Variants in SMARCA4 observed in about 807,000 individuals in gnomAD.
SMARCA4 encodes the protein SWI/SNF-related matrix-associated actin-dependent regulator of chromatin subfamily A member 4.
A neutral mutation model predicts 193.9 loss-of-function variants in SMARCA4; 31 were observed. The ratio of observed to expected loss-of-function variants is 0.16; its 90% CI spans 0.12 to 0.22. The LOEUF (loss-of-function observed/expected upper bound fraction) is 0.22, where lower values mean the gene tolerates loss of function less well. Among genes scored for constraint, SMARCA4 ranks in the 10% least tolerant of loss-of-function variants. SMARCA4 has a pLI of 1.00. For missense variants in SMARCA4, 1,148 were observed against 2,296.0 expected (o/e 0.50, Z 10.22); for synonymous variants, 942 against 933.1 (o/e 1.01, Z -0.17).
intron 19 of SMARCA4, among the ~76,000 whole-genome samples, chr19:11,023,021 G>A (rs533453331): frequency 2.0e-5 from 3 of 152,184 alleles, no homozygotes; most frequent in South Asian, 2.1e-4. Context: ...AGTAGGCGCC[G>A]TGGGAGGTCA....
chr19:10,965,036 C>T (rs542755597), intron 1 of SMARCA4, among the ~76,000 whole-genome samples: 3 of 152,326 alleles, frequency 2.0e-5, no homozygotes, highest in South Asian at 2.1e-4. Flanking sequence ...TTCCATCCCT[C>T]GGTCATCAAG....
At position 10,986,537 on chromosome 19, in the gene SMARCA4, G is replaced by A. The variant is rs1240479086; in HGVS notation, c.704G>A (p.Gly235Asp). Residue 235 changes from glycine to aspartate, a missense_variant, in exon 4 of 35, where the codon GGC becomes GAC. Physicochemically the swap from Gly to Asp is moderately conservative, Grantham distance 94. Around this residue, in one of 17 missense-constraint regions of SMARCA4, gnomAD observed 257 missense variants for 276.5 expected, o/e 0.93. Coordinates refer to ENST00000344626, the MANE Select transcript of SMARCA4 (RefSeq NM_003072.5). This position sits in a 1 kb window ranked among gnomAD's most constrained non-coding sequence, Gnocchi z 6.7. ...GCAACAGGACCCGGCCCTGGCCCTG[G>A]CCCTGGCCCCGGCCCGGGTCCCGGC... ...VSATGPGPGP[G>D]PGPGPGPGPA... 4 of 1,541,622 alleles carry A rather than the reference G, an allele frequency of 2.6e-6. No individual in the cohort carries two copies. Among genetic ancestry groups the A allele is most frequent in the Non-Finnish European group, 8.7e-7 (1 of 1,146,662 alleles).
intron 1 of SMARCA4, among the ~76,000 whole-genome samples, chr19:10,963,441 G>A (rs76978213): frequency 1.5e-3 from 232 of 151,774 alleles, no homozygotes; most frequent in African/African-American, 5.3e-3. Context: ...AGGGATACAG[G>A]TTAGTTGTTT....
In SMARCA4 at chr19:10,984,067, T is replaced by A; in HGVS notation, c.-31-54T>A. 8 of 1,432,342 alleles carry A rather than the reference T, an allele frequency of 5.6e-6. No homozygotes were observed. The highest frequency in any genetic ancestry group is 7.8e-6 in the Non-Finnish European group (8 of 1,019,216). The allele number at this position is 1,432,342 out of a possible 1,614,324, so 88.7% of individuals were successfully genotyped here. A position where few individuals can be genotyped will look rare whatever the true frequency, so the allele number is the denominator to read the frequency against. On this transcript the variant is annotated intron_variant, in intron 1 of 34. Coordinates refer to ENST00000344626, the MANE Select transcript of SMARCA4 (RefSeq NM_003072.5). This position sits in a 1 kb window ranked among gnomAD's most constrained non-coding sequence, Gnocchi z 4.3. ...CCGTATGATTGTCCCTTGCTATCCC[T>A]GTCCTGCCTCGCCCTTGGTCATGAA...
At position 10,991,130 on chromosome 19, in the gene SMARCA4, T is replaced by G; in HGVS notation, c.1246-20T>G. 1 of 1,613,056 alleles carries G rather than the reference T, an allele frequency of 6.2e-7. No individual in the cohort carries two copies. The highest frequency in any genetic ancestry group is 1.1e-5 in the South Asian group (1 of 90,828). ...CACAGAGCTGTGCAGTGCGCGGGCT[T>G]GTCCTCTTCCCTCCTACAGCTGCGC... On this transcript the variant is annotated intron_variant, in intron 7 of 34. Coordinates refer to ENST00000344626, the MANE Select transcript of SMARCA4 (RefSeq NM_003072.5).
rs1600633689 is a variant in SMARCA4 at position 11,058,683 on chromosome 19, T to C, written c.4534-105T>C. ...GGCTGGCGCTTCGGCCACATCCTCA[T>C]AGGCACGAGGAATCCTAGCCCGTGG... On this transcript the variant is annotated intron_variant, in intron 31 of 34. Transcript: ENST00000344626. This position sits in a 1 kb window ranked among gnomAD's most constrained non-coding sequence, Gnocchi z 5.8. 5.1e-6 allele frequency: 5 copies of C among 972,774 alleles called. No homozygotes were observed. The East Asian group carries it at 1.0e-4, about 19-fold the overall frequency. The allele number at this position is 972,774 out of a possible 1,614,324, so 60.3% of individuals were successfully genotyped here. A position where few individuals can be genotyped will look rare whatever the true frequency, so the allele number is the denominator to read the frequency against.
rs760653330 is a variant in SMARCA4, at chr19:11,019,659, G to A, written c.2574G>A (p.Thr858=). Residue 858 remains threonine (T), a synonymous_variant, in exon 18 of 35, where the codon ACG becomes ACA. Transcript: ENST00000344626. The surrounding 1 kb of genome is among the most constrained non-coding windows in gnomAD (Gnocchi z 6.1). ...GTGGGAAGTTCAACGTCTTGCTGAC[G>A]ACGTACGAGTACATCATCAAAGACA... is the stretch of plus-strand genomic sequence containing the variant. ...LRSGKFNVLL[T]TYEYIIKDKH... 139 of 1,613,636 alleles carry A rather than the reference G, an allele frequency of 8.6e-5. No homozygotes were observed. The highest frequency in any genetic ancestry group is 6.6e-4 in the Middle Eastern group (4 of 6,084).
intron 11 of SMARCA4, among the ~76,000 whole-genome samples, chr19:10,997,255 A>G (rs1057505450): frequency 3.3e-5 from 5 of 151,722 alleles, no homozygotes; most frequent in South Asian, 2.1e-4. Flanking sequence ...CTGGAGTGCA[A>G]TGGCACAATC....
intron 1 of SMARCA4, among the ~76,000 whole-genome samples, chr19:10,968,600 C>T (rs1453534878): frequency 6.6e-6 from 1 of 151,956 alleles, no homozygotes; most frequent in Non-Finnish European, 1.5e-5. Context: ...CTCCAGCCTC[C>T]ACTTCCTGAC....
chr19:11,034,910 C>A lies in SMARCA4; in HGVS notation c.3952-4C>A. 1 of 1,554,746 alleles carries A rather than the reference C, an allele frequency of 6.4e-7. No homozygotes were observed. The highest frequency in any genetic ancestry group is 8.7e-7 in the Non-Finnish European group (1 of 1,149,536). Reference sequence around the variant, plus strand: ...GCCTCTCCCGTTGCCTCCCTGCCCACCAGCGCATGGACCTGGACCGCAGGC... The same window carrying A: ...GCCTCTCCCGTTGCCTCCCTGCCCAACAGCGCATGGACCTGGACCGCAGGC... On this transcript the variant is annotated splice_region_variant and splice_polypyrimidine_tract_variant and intron_variant, in intron 28 of 34. Transcript: ENST00000344626. The surrounding 1 kb of genome is among the most constrained non-coding windows in gnomAD (Gnocchi z 7.0).
chr19:10,967,957 A>G (rs535217657), intron 1 of SMARCA4, among the ~76,000 whole-genome samples: 87 of 151,600 alleles, frequency 5.7e-4, no homozygotes, highest in African/African-American at 2.1e-3. Context: ...GCTCACTGCA[A>G]TCTCCGCCTC....
At position 11,024,578 on chromosome 19, in the gene SMARCA4, A is replaced by G. The variant is rs762390763; in HGVS notation, c.3081+140A>G. The stretch of plus-strand genomic sequence containing the variant: ...GGGCATCTGGCCAGCCCTGGTTATG[A>G]TGGCTGGTGGCTTGTGTCAGGACAC... On this transcript the variant is annotated intron_variant, in intron 21 of 34. Coordinates refer to ENST00000344626, the MANE Select transcript of SMARCA4 (RefSeq NM_003072.5). The G allele has an allele frequency of 8.8e-5, 62 of 702,080 alleles. 1 individual carries two copies. Among genetic ancestry groups the G allele is most frequent in the Middle Eastern group, 3.6e-4 (1 of 2,762 alleles). The allele number at this position is 702,080 out of a possible 1,614,324, so 43.5% of individuals were successfully genotyped here.
chr19:11,051,054 G>A (rs569622567), intron 30 of SMARCA4, among the ~76,000 whole-genome samples: 3 of 152,382 alleles, frequency 2.0e-5, no homozygotes, highest in South Asian at 2.1e-4. Context: ...GGCTCAGGGG[G>A]CCTAAAAGTC....
In SMARCA4 at chr19:11,021,802, C is replaced by T. The variant is rs1600278145; in HGVS notation, c.2694C>T (p.Asn898=). ...NHHCKLTQVL[N]THYVAPRRLL... ...ACTGCAAGCTGACGCAGGTGCTCAA[C>T]ACGCACTATGTGGCACCCCGCCGCC... Residue 898 remains asparagine (N), a synonymous_variant, in exon 19 of 35, where the codon AAC becomes AAT. Transcript: ENST00000344626. The T allele has an allele frequency of 1.9e-6, 3 of 1,613,784 alleles. No individual in the cohort carries two copies. The highest frequency in any genetic ancestry group is 2.5e-6 in the Non-Finnish European group (3 of 1,180,022).
At chr19:11,060,817 C>T (rs1444614720) in intron 34 of SMARCA4, among the ~76,000 whole-genome samples, 11 of 152,190 alleles carry the variant, frequency 7.2e-5, no homozygotes, top group Non-Finnish European at 1.6e-4. Flanking sequence ...CCGCTGAAGC[C>T]CAGCGAATGC....
At chr19:11,026,225 C>T (rs939267423) in intron 22 of SMARCA4, 75 bp from the exon 23 acceptor site, 54 of 1,146,886 alleles carry the variant, frequency 4.7e-5, no homozygotes, top group African/African-American at 7.6e-5. Flanking sequence ...TGAGCACGAG[C>T]GGTGTGTGCG....
intron 30 of SMARCA4, among the ~76,000 whole-genome samples, chr19:11,057,333 GC>G (rs1301721945): frequency 2.6e-5 from 4 of 152,230 alleles, no homozygotes; most frequent in Non-Finnish European, 5.9e-5. Flanking sequence ...TGTGCACGAG[GC>G]CTGGCAGCAT....
intron 30 of SMARCA4, among the ~76,000 whole-genome samples, chr19:11,045,961 C>T (rs757956073): frequency 3.3e-5 from 5 of 152,084 alleles, no homozygotes; most frequent in African/African-American, 9.7e-5. Flanking sequence ...TGGTGGCTCA[C>T]GCCTGTAATC....
Position 10,985,204 on chromosome 19 carries a change from C to T in SMARCA4, c.223-69C>T, listed in dbSNP as rs1196003597. 11 of 1,559,344 alleles carry T rather than the reference C, an allele frequency of 7.1e-6. No homozygotes were observed. The African/African-American group carries it at 1.1e-4, about 15-fold the overall frequency. ...TCGGTGCCCTCGAGCTTCTCTCGGG[C>T]AGCGCATAGCTGCGCTGCCACCTCA... is the stretch of plus-strand genomic sequence containing the variant. On this transcript the variant is annotated intron_variant, in intron 2 of 34. Transcript: ENST00000344626. This position sits in a 1 kb window ranked among gnomAD's most constrained non-coding sequence, Gnocchi z 4.5.
Sources: allele counts gnomAD v4.1 joint callset (sites outside exome capture counted in the v4.1 genomes callset), GRCh38; gene constraint gnomAD v4.1.1; regional missense constraint gnomAD v4.1.1; non-coding constraint Gnocchi (gnomAD v3.1); transcripts MANE v1.5; gene names NCBI Gene and HGNC (gene_info 2026-07-23, HGNC 2026-07-21).